The following COL24A1 variants were observed in gnomAD, a reference collection of about 807,000 sequenced individuals.
COL24A1 encodes the protein collagen alpha-1(XXIV) chain.
COL24A1 carries 224 observed loss-of-function variants against 253.9 expected under a neutral mutation model. That is an observed-to-expected ratio of 0.88 (90% CI 0.79 to 0.99). The LOEUF (loss-of-function observed/expected upper bound fraction) is 0.99. Ranked by LOEUF, COL24A1 falls within the 50% of genes least tolerant of loss-of-function variation. The pLI, the probability that COL24A1 is intolerant of heterozygous loss-of-function variation, is 0.00. For missense variants in COL24A1, 2,131 were observed against 2,068.5 expected (o/e 1.03, Z -0.59); for synonymous variants, 685 against 673.7 (o/e 1.02, Z -0.26).
intron 10 of COL24A1, among the ~76,000 whole-genome samples, chr1:86,056,855 C>CAA: frequency 7.0e-6 from 1 of 141,998 alleles, no homozygotes; most frequent in Admixed American, 7.0e-5. Context: ...CTCTGTCTCA[C>CAA]CAAAAAAAAA....
intron 57 of COL24A1, among the ~76,000 whole-genome samples, chr1:85,738,995 A>G (rs1664338428): frequency 6.6e-6 from 1 of 152,192 alleles, no homozygotes; most frequent in Non-Finnish European, 1.5e-5. Context: ...ACAGTATCTA[A>G]TTCTGGTCCA....
In COL24A1 at chr1:85,816,853, G is replaced by A; in HGVS notation, c.3886C>T (p.His1296Tyr). The A allele has an allele frequency of 1.2e-6, 2 of 1,613,982 alleles. No homozygotes were observed. The highest frequency in any genetic ancestry group is 1.7e-6 in the Non-Finnish European group (2 of 1,179,910). Residue 1296 changes from histidine (H) to tyrosine (Y), a missense_variant, in exon 47 of 60, where the codon CAT becomes TAT. Coordinates refer to ENST00000370571, the MANE Select transcript of COL24A1 (RefSeq NM_152890.7). ...LLGPKGIQGY[H>Y]GADGISGNPG... Reference sequence around the variant, plus strand: ...TTTCCTGAAATGCCATCTGCTCCATGGTATCCTTGTATGCCTTTTGGCCCA... The same window carrying A: ...TTTCCTGAAATGCCATCTGCTCCATAGTATCCTTGTATGCCTTTTGGCCCA...
rs145454632 is a variant in COL24A1 at position 86,020,571 on chromosome 1, C to T, written c.2256+1669G>A. ...TAAAATGGTTTGCCTTGTGTAAGCA[C>T]GATACTTGACTCTAGTTTTCTCAAA... is the stretch of plus-strand genomic sequence containing the variant. On this transcript the variant is annotated intron_variant, in intron 18 of 59. Coordinates refer to ENST00000370571, the MANE Select transcript of COL24A1 (RefSeq NM_152890.7). Among the ~76,000 whole-genome samples the T allele has an allele frequency of 5.9e-4, 89 of 152,072 alleles. 2 individuals carry two copies. In the South Asian group the frequency reaches 0.018, roughly 30 times the overall value.
intron 24 of COL24A1, among the ~76,000 whole-genome samples, chr1:85,941,622 CTT>C (rs10708659): frequency 6.6e-6 from 1 of 151,778 alleles, no homozygotes; most frequent in South Asian, 2.1e-4. Flanking sequence ...GAGACATGTA[CTT>C]TTTTTTAAAA....
chr1:85,769,147 A>G (rs1667693403), intron 53 of COL24A1, among the ~76,000 whole-genome samples: 1 of 152,198 alleles, frequency 6.6e-6, no homozygotes, highest in East Asian at 1.9e-4. Context: ...TGTCTAATTC[A>G]TTTACCAATA....
chr1:85,813,149 A>T (rs1672712545), intron 47 of COL24A1, among the ~76,000 whole-genome samples: 1 of 151,474 alleles, frequency 6.6e-6, no homozygotes, highest in African/African-American at 2.4e-5. Context: ...AAAAAAAAAG[A>T]TGCATGGTCT....
At chr1:85,804,918 T>C (rs2101823895) in intron 47 of COL24A1, among the ~76,000 whole-genome samples, 1 of 152,240 alleles carries the variant, frequency 6.6e-6, no homozygotes, top group East Asian at 1.9e-4. Context: ...ATGATGATAC[T>C]TCACTGTAGC....
At chr1:86,089,752 A>G (rs1443896763) in intron 6 of COL24A1, among the ~76,000 whole-genome samples, 1 of 152,198 alleles carries the variant, frequency 6.6e-6, no homozygotes, top group East Asian at 1.9e-4. Context: ...CCCGGGAGGC[A>G]GAGGTTGCAG....
chr1:86,152,689 G>A (rs1652932924), intron 1 of COL24A1, among the ~76,000 whole-genome samples: 1 of 152,178 alleles, frequency 6.6e-6, no homozygotes, highest in South Asian at 2.1e-4. Context: ...AGTCCAGTCA[G>A]TAGGAGGGAA....
chr1:85,897,457 A>G (rs887782268), intron 28 of COL24A1, among the ~76,000 whole-genome samples: 2 of 152,290 alleles, frequency 1.3e-5, no homozygotes, highest in South Asian at 2.1e-4. Flanking sequence ...AATAAAAAAA[A>G]AAAGAAAGAA....
At chr1:85,902,198 G>A (rs1226044378) in intron 28 of COL24A1, among the ~76,000 whole-genome samples, 1 of 152,142 alleles carries the variant, frequency 6.6e-6, no homozygotes, top group Non-Finnish European at 1.5e-5. Context: ...TTCCAAAAGG[G>A]TGAGCTGATC....
intron 55 of COL24A1, among the ~76,000 whole-genome samples, chr1:85,745,745 C>T (rs1468095101): frequency 6.6e-6 from 1 of 152,162 alleles, no homozygotes; most frequent in African/African-American, 2.4e-5. Flanking sequence ...CCAGAGTCTA[C>T]AGTCCTCAGA....
intron 28 of COL24A1, among the ~76,000 whole-genome samples, chr1:85,906,893 T>C (rs966005477): frequency 2.0e-5 from 3 of 151,840 alleles, no homozygotes; most frequent in Non-Finnish European, 4.4e-5. Flanking sequence ...TTAAAGATCT[T>C]CACATTTACC....
At chr1:85,963,161 A>C (rs190343026) in intron 23 of COL24A1, among the ~76,000 whole-genome samples, 11 of 152,256 alleles carry the variant, frequency 7.2e-5, no homozygotes, top group Admixed American at 1.3e-4. Flanking sequence ...CTGAAACCTA[A>C]TATTCATCAT....
At chr1:86,062,716 A>G (rs1701182310) in intron 8 of COL24A1, among the ~76,000 whole-genome samples, 1 of 152,082 alleles carries the variant, frequency 6.6e-6, no homozygotes, top group Non-Finnish European at 1.5e-5. Context: ...TAAATGCTCA[A>G]ATGCTTTTCA....
intron 35 of COL24A1, 27 bp downstream of exon 35, chr1:85,874,622 T>G: frequency 6.2e-7 from 1 of 1,608,390 alleles, no homozygotes; most frequent in Non-Finnish European, 8.5e-7. Flanking sequence ...GGTTAGTGTA[T>G]TAAAAGAGTT....
Position 86,033,930 on chromosome 1 carries a change from C to CAGGGAA in COL24A1, c.1951-13_1951-8dup. ...CAAAGTCACCTGGAAAACCCTGTCA[C>CAGGGAA]AGGGAAAGAGGAAGAATGCCAACAT... On this transcript the variant is annotated splice_polypyrimidine_tract_variant and splice_region_variant and intron_variant, in intron 12 of 59. Transcript: ENST00000370571. 1 of 1,590,020 alleles carries CAGGGAA rather than the reference C, an allele frequency of 6.3e-7. No individual in the cohort carries two copies. The highest frequency in any genetic ancestry group is 8.5e-7 in the Non-Finnish European group (1 of 1,170,866).
chr1:86,156,225 A>G (rs966996711), intron 1 of COL24A1, 116 bp downstream of exon 1: 20 of 962,330 alleles, frequency 2.1e-5, no homozygotes, highest in Non-Finnish European at 2.9e-5. Flanking sequence ...GGCCGCTCCT[A>G]AAGCCAAAAA....
chr1:85,772,086 G>A (rs1198914958), intron 53 of COL24A1, among the ~76,000 whole-genome samples: 1 of 148,438 alleles, frequency 6.7e-6, no homozygotes, highest in Non-Finnish European at 1.5e-5. Flanking sequence ...TACTGAGAAT[G>A]ATGATTTCCA....
Sources: gnomAD v4.1 joint callset for allele counts (sites outside exome capture counted in the v4.1 genomes callset) on GRCh38, gnomAD v4.1.1 for gene constraint, MANE v1.5 for transcripts, NCBI Gene and HGNC (gene_info 2026-07-23, HGNC 2026-07-21) for gene names.